Variants in SNX29 observed in about 807,000 individuals in gnomAD.
The protein encoded by SNX29 is sorting nexin 29.
Under a neutral mutation model 102.1 loss-of-function variants are expected in SNX29, and 78 were observed. The observed-to-expected ratio is 0.76, with a 90% CI of 0.64 to 0.92. The LOEUF is 0.92. Among genes scored for constraint, SNX29 ranks in the 40% least tolerant of loss-of-function variants. The pLI, the probability that SNX29 is intolerant of heterozygous loss-of-function variation, is 0.00. For synonymous variants in SNX29, 580 were observed against 414.5 expected (o/e 1.40, Z -4.85); for missense variants, 1,280 against 1,061.7 (o/e 1.21, Z -2.86).
At chr16:12,474,024 T>C (rs945890675) in intron 18 of SNX29, among the ~76,000 whole-genome samples, 3 of 152,220 alleles carry the variant, frequency 2.0e-5, no homozygotes, top group Non-Finnish European at 2.9e-5. Flanking sequence ...CCGTAAATTC[T>C]TTCTTGCTTG....
chr16:12,548,353 C>G (rs908353386), intron 20 of SNX29, among the ~76,000 whole-genome samples: 1 of 152,224 alleles, frequency 6.6e-6, no homozygotes, highest in East Asian at 1.9e-4. Flanking sequence ...ACAGTGGGCA[C>G]TCTGCACCCA....
intron 14 of SNX29, among the ~76,000 whole-genome samples, chr16:12,237,025 G>T (rs559599628): frequency 6.6e-6 from 1 of 152,268 alleles, no homozygotes; most frequent in Admixed American, 6.5e-5. Context: ...GGCTGGCTGG[G>T]TCATTCTTAT....
intron 18 of SNX29, among the ~76,000 whole-genome samples, chr16:12,415,770 A>C (rs2084607915): frequency 1.3e-5 from 2 of 152,120 alleles, no homozygotes; most frequent in Non-Finnish European, 2.9e-5. Context: ...ACCTGCCCTG[A>C]ACTGCCACAC....
rs142288665 is a variant in SNX29 at position 12,569,505 on chromosome 16, A to C, written c.*876A>C. On this transcript the variant is annotated 3_prime_UTR_variant, in exon 21 of 21. Coordinates refer to ENST00000566228, the MANE Select transcript of SNX29 (RefSeq NM_032167.5). The stretch of plus-strand genomic sequence containing the variant: ...ACTGCAGAAGGTTCCAGGGTTTTCA[A>C]ACCAGGCTCCATGACTATGAAGTTG... 126 of 231,780 alleles carry C rather than the reference A, an allele frequency of 5.4e-4. 1 individual carries two copies. In the East Asian group the frequency reaches 5.6e-3, roughly 10 times the overall value. The allele number at this position is 231,780 out of a possible 1,614,324, so 14.4% of individuals were successfully genotyped here.
intron 16 of SNX29, among the ~76,000 whole-genome samples, chr16:12,365,326 T>TTGTGTGTGTGTGTG (rs58869867): frequency 1.9e-4 from 27 of 139,868 alleles, no homozygotes; most frequent in African/African-American, 7.0e-4. Flanking sequence ...ACATCAGGAT[T>TTGTGTGTGTGTGTG]TGTGTGTGTG....
At chr16:12,424,223 C>G (rs1310971695) in intron 18 of SNX29, among the ~76,000 whole-genome samples, 2 of 152,172 alleles carry the variant, frequency 1.3e-5, no homozygotes, top group Non-Finnish European at 2.9e-5. Context: ...AATGAAGAGC[C>G]CTTCAAGAGC....
intron 20 of SNX29, among the ~76,000 whole-genome samples, chr16:12,545,072 T>G (rs2077526300): frequency 6.6e-6 from 1 of 152,132 alleles, no homozygotes; most frequent in South Asian, 2.1e-4. Context: ...AGCCACGAAA[T>G]GCACTGTGCC....
At chr16:12,212,337 T>C (rs535972962) in intron 14 of SNX29, among the ~76,000 whole-genome samples, 1 of 152,316 alleles carries the variant, frequency 6.6e-6, no homozygotes, top group Non-Finnish European at 1.5e-5. Flanking sequence ...CCATTGACTT[T>C]CCGCTTCTCA....
intron 3 of SNX29, among the ~76,000 whole-genome samples, chr16:12,005,832 A>G (rs1046675413): frequency 1.3e-5 from 2 of 152,246 alleles, no homozygotes; most frequent in East Asian, 3.8e-4. Context: ...ACTGTTAAGT[A>G]TATAATGCAA....
At chr16:12,250,160 A>G (rs2078379098) in intron 14 of SNX29, among the ~76,000 whole-genome samples, 1 of 152,208 alleles carries the variant, frequency 6.6e-6, no homozygotes, top group South Asian at 2.1e-4. Flanking sequence ...TAGGTGGCCA[A>G]AGGGTTCCAG....
chr16:12,538,387 G>A (rs1411599234), intron 20 of SNX29, among the ~76,000 whole-genome samples: 1 of 152,228 alleles, frequency 6.6e-6, no homozygotes, highest in East Asian at 1.9e-4. Flanking sequence ...ACCGCGCCCG[G>A]CCTCCCCTTG....
intron 14 of SNX29, among the ~76,000 whole-genome samples, chr16:12,255,798 G>C (rs2078555499): frequency 6.6e-6 from 1 of 152,182 alleles, no homozygotes; most frequent in Non-Finnish European, 1.5e-5. Context: ...GGTTGATTCT[G>C]TATCTTGGCT....
intron 13 of SNX29, among the ~76,000 whole-genome samples, chr16:12,155,866 C>A (rs1167383568): frequency 6.6e-6 from 1 of 152,174 alleles, no homozygotes; most frequent in Non-Finnish European, 1.5e-5. Flanking sequence ...TGGCTGGGCC[C>A]ATCCTCATGA....
intron 19 of SNX29, among the ~76,000 whole-genome samples, chr16:12,519,484 G>A (rs887615684): frequency 1.3e-5 from 2 of 152,206 alleles, no homozygotes; most frequent in East Asian, 3.8e-4. Flanking sequence ...TGTTACAGGT[G>A]ATTATGCCAT....
chr16:12,279,496 C>T (rs550966371), intron 15 of SNX29, among the ~76,000 whole-genome samples: 11 of 152,340 alleles, frequency 7.2e-5, no homozygotes, highest in East Asian at 5.8e-4. Flanking sequence ...CCTGTGTGCT[C>T]TCTGCCCAGT....
intron 10 of SNX29, among the ~76,000 whole-genome samples, chr16:12,076,035 G>A (rs1431188466): frequency 6.6e-6 from 1 of 152,164 alleles, no homozygotes; most frequent in Non-Finnish European, 1.5e-5. Context: ...CAGTATTTGG[G>A]TGGGAGTGGC....
intron 20 of SNX29, among the ~76,000 whole-genome samples, chr16:12,567,359 C>G (rs976666167): frequency 4.6e-5 from 7 of 152,156 alleles, no homozygotes; most frequent in Non-Finnish European, 8.8e-5. Flanking sequence ...AGGTTTTTGC[C>G]TTGTTTTAAA....
chr16:12,028,059 G>A (rs928110560), intron 4 of SNX29, among the ~76,000 whole-genome samples: 3 of 152,204 alleles, frequency 2.0e-5, no homozygotes, highest in Admixed American at 6.5e-5. Context: ...GAACCTTGAA[G>A]TGGATCATGT....
chr16:11,979,664 A>T (rs1378766414), intron 1 of SNX29, among the ~76,000 whole-genome samples: 2 of 152,126 alleles, frequency 1.3e-5, no homozygotes, highest in African/African-American at 4.8e-5. Flanking sequence ...GCTTACTGCA[A>T]CCTTCGCCTC....
Sources: gnomAD v4.1 joint callset for allele counts (sites outside exome capture counted in the v4.1 genomes callset) on GRCh38, gnomAD v4.1.1 for gene constraint, MANE v1.5 for transcripts, NCBI Gene and HGNC (gene_info 2026-07-23, HGNC 2026-07-21) for gene names.